Variants in NCOA7 observed in about 807,000 individuals in gnomAD.
NCOA7 encodes nuclear receptor coactivator 7, also known as 140 kDa estrogen receptor-associated protein.
A neutral mutation model predicts 104.3 loss-of-function variants in NCOA7; 45 were observed. That is an observed-to-expected ratio of 0.43 (90% CI 0.34 to 0.55). The LOEUF (loss-of-function observed/expected upper bound fraction) is 0.55. Among genes scored for constraint, NCOA7 ranks in the 20% least tolerant of loss-of-function variants. The pLI is 0.02. For synonymous variants in NCOA7, 398 were observed against 402.3 expected (o/e 0.99, Z 0.13); for missense variants, 1,041 against 1,119.7 (o/e 0.93, Z 1.00).
intron 2 of NCOA7, among the ~76,000 whole-genome samples, chr6:125,842,562 G>T (rs553009981): frequency 1.7e-3 from 262 of 152,218 alleles, no homozygotes; most frequent in African/African-American, 6.0e-3. Flanking sequence ...CCTTTACTAA[G>T]GAATTCTAGC....
chr6:125,876,246 TC>T (rs1163511575), intron 4 of NCOA7, among the ~76,000 whole-genome samples: 1 of 152,210 alleles, frequency 6.6e-6, no homozygotes, highest in Non-Finnish European at 1.5e-5. Context: ...ACATTGAAGA[TC>T]TCTGTCACAG....
intron 10 of NCOA7, among the ~76,000 whole-genome samples, chr6:125,904,861 C>G (rs1164371339): frequency 6.6e-6 from 1 of 152,184 alleles, no homozygotes; most frequent in African/African-American, 2.4e-5. Context: ...TCGATTTTGC[C>G]TGTCTGCTGT....
At chr6:125,851,583 A>G (rs1439440943) in intron 2 of NCOA7, among the ~76,000 whole-genome samples, 1 of 152,226 alleles carries the variant, frequency 6.6e-6, no homozygotes, top group Non-Finnish European at 1.5e-5. Context: ...TTGTTTTCGT[A>G]TAATGACTGT....
Position 125,889,075 on chromosome 6 carries a change from A to G in NCOA7, c.1021A>G (p.Met341Val), listed in dbSNP as rs373079600. ...ACGACAGCAGAATGGAGAGAAAATT[A>G]TGACTTCGGATTCCAGACCAATAGT... The part of the protein sequence containing the change: ...EKRQQNGEKI[M>V]TSDSRPIVPL... Residue 341 changes from methionine to valine, a missense_variant, in exon 9 of 16, where the codon ATG becomes GTG. Physicochemically the swap from Met to Val is conservative, Grantham distance 21. Around this residue, in one of 2 missense-constraint regions of NCOA7, gnomAD observed 914 missense variants for 942.7 expected, o/e 0.97. Transcript: ENST00000392477. 6.8e-6 allele frequency: 11 copies of G among 1,614,024 alleles called. No individual in the cohort carries two copies. The African/African-American group carries it at 1.3e-4, about 20-fold the overall frequency.
In NCOA7 at chr6:125,801,862, C is replaced by T. The variant is rs78796574; in HGVS notation, c.-65+10795C>T. Among the ~76,000 whole-genome samples the T allele has an allele frequency of 5.5e-3, 845 of 152,320 alleles. 10 individuals are homozygous for T. Among genetic ancestry groups the T allele is most frequent in the Admixed American group, 0.012 (191 of 15,290 alleles). ...CTAACTGTATTTCCAAATAAGATCA[C>T]ATTCTGGAGTACTGAGGATTATAAC... On this transcript the variant is annotated intron_variant, in intron 1 of 15. Coordinates refer to ENST00000392477, the MANE Select transcript of NCOA7 (RefSeq NM_181782.5).
intron 10 of NCOA7, chr6:125,913,817 A>G (rs1000740247): frequency 6.2e-5 from 13 of 209,516 alleles, no homozygotes; most frequent in Admixed American, 2.6e-4. Flanking sequence ...GAAAAAAAGA[A>G]AAACACTGAT....
chr6:125,915,294 G>A (rs1357194779), intron 10 of NCOA7, 39 bp from the exon 11 acceptor site: 2 of 1,608,976 alleles, frequency 1.2e-6, no homozygotes, highest in Non-Finnish European at 1.7e-6. Flanking sequence ...CCAAGAAAGT[G>A]GACATGGTGT....
chr6:125,923,474 A>G (rs1166526161), intron 13 of NCOA7, among the ~76,000 whole-genome samples: 2 of 152,228 alleles, frequency 1.3e-5, no homozygotes, highest in Non-Finnish European at 2.9e-5. Flanking sequence ...AAGTCAGCTC[A>G]GAATGGGAGT....
At chr6:125,829,344 T>C (rs1027080216) in intron 2 of NCOA7, among the ~76,000 whole-genome samples, 2 of 152,228 alleles carry the variant, frequency 1.3e-5, no homozygotes, top group Non-Finnish European at 2.9e-5. Flanking sequence ...AGTTTTTCCT[T>C]ATTAATAGGA....
intron 2 of NCOA7, among the ~76,000 whole-genome samples, chr6:125,828,023 A>G (rs933036082): frequency 6.6e-6 from 1 of 152,228 alleles, no homozygotes; most frequent in African/African-American, 2.4e-5. Flanking sequence ...TAAATACACA[A>G]TTGGGTATGT....
At chr6:125,874,996 T>C (rs17745584) in intron 4 of NCOA7, 28 bp downstream of exon 4, 160,618 of 1,520,252 alleles carry the variant, frequency 0.11, 9,341 homozygotes, top group Non-Finnish European at 0.12. Context: ...GGTATAAATG[T>C]TTGTTAATAG....
chr6:125,854,444 T>C (rs1458415519), intron 2 of NCOA7, among the ~76,000 whole-genome samples: 1 of 152,226 alleles, frequency 6.6e-6, no homozygotes, highest in African/African-American at 2.4e-5. Context: ...AATCATGTAT[T>C]GTCATTATGG....
intron 3 of NCOA7, among the ~76,000 whole-genome samples, chr6:125,866,750 C>G (rs1266192492): frequency 6.6e-6 from 1 of 152,138 alleles, no homozygotes; most frequent in East Asian, 1.9e-4. Flanking sequence ...CTTTTATTTT[C>G]ACCAAATTTC....
At chr6:125,885,872 C>T (rs1011810738) in intron 8 of NCOA7, among the ~76,000 whole-genome samples, 9 of 152,012 alleles carry the variant, frequency 5.9e-5, no homozygotes, top group African/African-American at 2.2e-4. Flanking sequence ...TTTGCTTTTT[C>T]CCTGAAATAC....
chr6:125,813,402 T>A (rs2128568847), intron 1 of NCOA7, among the ~76,000 whole-genome samples: 1 of 152,280 alleles, frequency 6.6e-6, no homozygotes, highest in Admixed American at 6.5e-5. Flanking sequence ...TTCTTGCTTT[T>A]GTTCAATTGA....
chr6:125,789,166 A>G (rs1774619780), upstream of NCOA7, among the ~76,000 whole-genome samples: 1 of 152,206 alleles, frequency 6.6e-6, no homozygotes, highest in South Asian at 2.1e-4. Flanking sequence ...AGTAATTCTA[A>G]GTTTGGGAAA....
At chr6:125,809,763 C>T (rs531367729) in intron 1 of NCOA7, among the ~76,000 whole-genome samples, 1 of 152,268 alleles carries the variant, frequency 6.6e-6, no homozygotes, top group East Asian at 1.9e-4. Context: ...AATGTGTACT[C>T]CTGACATCAT....
chr6:125,796,911 A>C (rs1458736350), intron 1 of NCOA7: 1 of 152,262 alleles, frequency 6.6e-6, no homozygotes, highest in African/African-American at 2.4e-5. Flanking sequence ...TGGTTGGTTG[A>C]TTCCATGGAT....
At chr6:125,880,980 T>G (rs1783777065) in intron 5 of NCOA7, 110 bp from the exon 6 acceptor site, 3 of 734,504 alleles carry the variant, frequency 4.1e-6, no homozygotes, top group Non-Finnish European at 4.9e-6. Context: ...GCAACCTAGG[T>G]CGTAATCATG....
Sources: gnomAD v4.1 joint callset for allele counts (sites outside exome capture counted in the v4.1 genomes callset) on GRCh38, gnomAD v4.1.1 for gene constraint, gnomAD v4.1.1 regional missense constraint, MANE v1.5 for transcripts, NCBI Gene and HGNC (gene_info 2026-07-23, HGNC 2026-07-21) for gene names.